Variants in SYT1 observed in about 807,000 individuals in gnomAD.
SYT1 encodes synaptotagmin-1.
A neutral mutation model predicts 44.8 loss-of-function variants in SYT1; 8 were observed. The observed-to-expected ratio is 0.18, with a 90% CI of 0.10 to 0.32. SYT1 has a LOEUF of 0.32. SYT1 is among the 10% of genes least tolerant of loss of function. SYT1 has a pLI of 1.00. For missense variants in SYT1, 286 were observed against 509.3 expected, an observed-to-expected ratio of 0.56 and a Z score of 4.22; for synonymous variants, 154 against 188.8, an observed-to-expected ratio of 0.82 and a Z score of 1.51.
chr12:79,349,901 G>A (rs1323761972), intron 8 of SYT1, among the ~76,000 whole-genome samples: 1 of 152,078 alleles, frequency 6.6e-6, no homozygotes, highest in Non-Finnish European at 1.5e-5. Flanking sequence ...AAACTATTGG[G>A]TTCTTCTAAT....
In SYT1 at chr12:79,124,010, C is replaced by T. The variant is rs1219126450; in HGVS notation, c.-18+76648C>T. Reference sequence around the variant, plus strand: ...TAACATTTATCAAGCACATACTATGCGCCAGGCACTGTGACAAAAACCTGC... The same window carrying T: ...TAACATTTATCAAGCACATACTATGTGCCAGGCACTGTGACAAAAACCTGC... On this transcript the variant is annotated intron_variant, in intron 3 of 10. Transcript: ENST00000261205. 3.3e-5 allele frequency among the ~76,000 whole-genome samples: 5 copies of T among 152,204 alleles called. No individual in the cohort carries two copies. The South Asian group carries it at 8.3e-4, about 25-fold the overall frequency.
chr12:79,225,733 G>A (rs1875477228), intron 4 of SYT1, among the ~76,000 whole-genome samples: 1 of 152,124 alleles, frequency 6.6e-6, no homozygotes, highest in Non-Finnish European at 1.5e-5. Context: ...CACATGGCAA[G>A]GCTGATAAGT....
intron 1 of SYT1, among the ~76,000 whole-genome samples, chr12:78,910,234 T>A (rs1252783601): frequency 6.6e-6 from 1 of 152,010 alleles, no homozygotes. Flanking sequence ...GCATAGTAGG[T>A]GTTTAACAGA....
chr12:78,912,003 G>T (rs1192185260), intron 1 of SYT1, among the ~76,000 whole-genome samples: 1 of 151,862 alleles, frequency 6.6e-6, no homozygotes, highest in Non-Finnish European at 1.5e-5. Context: ...TGATGACATC[G>T]TGTCTGACTT....
intron 4 of SYT1, among the ~76,000 whole-genome samples, chr12:79,245,950 C>T (rs906189943): frequency 1.3e-5 from 2 of 151,354 alleles, no homozygotes; most frequent in African/African-American, 2.4e-5. Flanking sequence ...AATTGAGATA[C>T]GTGGAAAGAT....
chr12:78,868,088 GCAGA>G (rs1463533001), intron 1 of SYT1, among the ~76,000 whole-genome samples: 1 of 151,782 alleles, frequency 6.6e-6, no homozygotes, highest in Non-Finnish European at 1.5e-5. Flanking sequence ...CACACTTAAT[GCAGA>G]CAATTATACG....
chr12:78,965,948 G>C (rs1324612318), intron 1 of SYT1, among the ~76,000 whole-genome samples: 1 of 151,740 alleles, frequency 6.6e-6, no homozygotes, highest in African/African-American at 2.4e-5. Flanking sequence ...ACGGTGGCAG[G>C]CGCCTGTAAT....
intron 2 of SYT1, among the ~76,000 whole-genome samples, chr12:78,986,589 T>G (rs144836350): frequency 1.4e-3 from 210 of 152,094 alleles, no homozygotes; most frequent in African/African-American, 4.0e-3. Flanking sequence ...GCAGTTCTTG[T>G]TTATATTTAA....
At chr12:78,866,097 T>C (rs1873530112) in intron 1 of SYT1, among the ~76,000 whole-genome samples, 1 of 152,222 alleles carries the variant, frequency 6.6e-6, no homozygotes, top group Admixed American at 6.5e-5. Context: ...TGTGTACATG[T>C]TGATATTCAC....
chr12:79,022,338 G>A (rs570907146), intron 2 of SYT1, among the ~76,000 whole-genome samples: 1 of 151,812 alleles, frequency 6.6e-6, no homozygotes, highest in Non-Finnish European at 1.5e-5. Context: ...TACATGGTCT[G>A]CTACGTCAGT....
intron 3 of SYT1, among the ~76,000 whole-genome samples, chr12:79,107,590 T>C (rs1206733190): frequency 1.3e-5 from 2 of 152,066 alleles, no homozygotes; most frequent in Non-Finnish European, 2.9e-5. Context: ...ATAGCATACT[T>C]ATTCTCTCCA....
chr12:79,159,618 G>A (rs1447965244), intron 3 of SYT1, among the ~76,000 whole-genome samples: 1 of 151,926 alleles, frequency 6.6e-6, no homozygotes, highest in East Asian at 1.9e-4. Flanking sequence ...TGTATATGTA[G>A]GAAAAAAATA....
chr12:79,403,632 T>G (rs1442810620), intron 9 of SYT1, among the ~76,000 whole-genome samples: 1 of 152,058 alleles, frequency 6.6e-6, no homozygotes, highest in African/African-American at 2.4e-5. Context: ...TCAGTGGGTT[T>G]TATTATGATC....
intron 2 of SYT1, among the ~76,000 whole-genome samples, chr12:79,026,664 ATT>A (rs1309697584): frequency 4.1e-4 from 34 of 83,040 alleles, no homozygotes; most frequent in East Asian, 1.6e-3. Flanking sequence ...ATACATATAT[ATT>A]TTATATATAT....
At chr12:79,273,118 TTTC>T (rs1878520451) in intron 4 of SYT1, among the ~76,000 whole-genome samples, 1 of 125,588 alleles carries the variant, frequency 8.0e-6, no homozygotes, top group African/African-American at 2.8e-5. Flanking sequence ...ACCTTTTTTC[TTTC>T]TTTTTTTTTT....
intron 9 of SYT1, among the ~76,000 whole-genome samples, chr12:79,366,774 G>A (rs1240365761): frequency 1.3e-5 from 2 of 152,174 alleles, no homozygotes; most frequent in African/African-American, 4.8e-5. Context: ...CAGGTAGAAA[G>A]CACTATATAA....
chr12:79,280,985 T>TC (rs1483690119), intron 4 of SYT1, among the ~76,000 whole-genome samples: 177 of 140,774 alleles, frequency 1.3e-3, no homozygotes, highest in African/African-American at 3.8e-3. Flanking sequence ...TAATAAAAAG[T>TC]AAAAAAAAAA....
At chr12:78,877,670 T>TA (rs1028749459) in intron 1 of SYT1, among the ~76,000 whole-genome samples, 17 of 105,488 alleles carry the variant, frequency 1.6e-4, no homozygotes, top group African/African-American at 5.8e-4. Context: ...TAACAGCCTG[T>TA]ATTTTTTTTC....
At chr12:78,977,643 A>T (rs1321850649) in intron 1 of SYT1, 156 bp from the exon 2 acceptor site, 1 of 152,258 alleles carries the variant, frequency 6.6e-6, no homozygotes, top group African/African-American at 2.4e-5. Context: ...ACCCAGCACA[A>T]CCAGGAATTG....
Sources: gnomAD v4.1 joint callset for allele counts (sites outside exome capture counted in the v4.1 genomes callset) on GRCh38, gnomAD v4.1.1 for gene constraint, MANE v1.5 for transcripts, NCBI Gene and HGNC (gene_info 2026-07-23, HGNC 2026-07-21) for gene names.